Variants in PXDN observed in about 807,000 individuals in gnomAD.
The protein encoded by PXDN is peroxidasin, also known as peroxidasin homolog.
A neutral mutation model predicts 140.3 loss-of-function variants in PXDN; 77 were observed. The observed-to-expected ratio is 0.55, with a 90% CI of 0.46 to 0.66. The LOEUF (loss-of-function observed/expected upper bound fraction) is 0.66, where lower values mean the gene tolerates loss of function less well. Ranked by LOEUF, PXDN falls within the 30% of genes least tolerant of loss-of-function variation. The pLI is 0.00. For missense variants in PXDN, 1,838 were observed against 2,039.5 expected, an observed-to-expected ratio of 0.90 and a Z score of 1.90; for synonymous variants, 911 against 857.4, an observed-to-expected ratio of 1.06 and a Z score of -1.09.
intron 1 of PXDN, among the ~76,000 whole-genome samples, chr2:1,698,005 G>T (rs1684337439): frequency 6.6e-6 from 1 of 152,198 alleles, no homozygotes; most frequent in African/African-American, 2.4e-5. Flanking sequence ...ACATCAGGCA[G>T]GGCATCCATG....
rs752966923 is a variant in PXDN at position 1,649,721 on chromosome 2, T to C, written c.2105-46A>G. On this transcript the variant is annotated intron_variant, in intron 16 of 22. Transcript: ENST00000252804. This position sits in a 1 kb window ranked among gnomAD's most constrained non-coding sequence, Gnocchi z 7.1. Reference sequence around the variant, plus strand: ...AGACGCACTCAATTCCCCTGGAGGATGTGTGAGGGCCCGGTACCCCTTGGC... The same window carrying C: ...AGACGCACTCAATTCCCCTGGAGGACGTGTGAGGGCCCGGTACCCCTTGGC... 2 of 1,600,014 alleles carry C rather than the reference T, an allele frequency of 1.2e-6. No homozygotes were observed. Among genetic ancestry groups the C allele is most frequent in the Non-Finnish European group, 8.6e-7 (1 of 1,168,310 alleles).
intron 6 of PXDN, 103 bp from the exon 7 acceptor site, chr2:1,680,465 G>A: frequency 7.1e-7 from 1 of 1,403,626 alleles, no homozygotes; most frequent in East Asian, 2.4e-5. Flanking sequence ...ACATGTGCCA[G>A]GCCTGCCAGG....
chr2:1,665,533 T>C (rs1267447941), intron 10 of PXDN, among the ~76,000 whole-genome samples: 1 of 152,204 alleles, frequency 6.6e-6, no homozygotes, highest in Non-Finnish European at 1.5e-5. Context: ...TCCATTTTTA[T>C]AAAAGTAACA....
chr2:1,635,924 CG>C (rs1350771816), intron 21 of PXDN: 1 of 335,842 alleles, frequency 3.0e-6, no homozygotes, highest in Non-Finnish European at 5.7e-6. Context: ...TCTGGAAGCA[CG>C]GGGCCCCATA....
chr2:1,662,310 A>G (rs1322832532), intron 12 of PXDN, 126 bp from the exon 13 acceptor site: 3 of 814,960 alleles, frequency 3.7e-6, no homozygotes, highest in Non-Finnish European at 6.1e-6. Flanking sequence ...TCAGTTTCAG[A>G]ATGGGCCCTT....
Position 1,647,939 on chromosome 2 carries a change from C to T in PXDN, c.3608+233G>A, listed in dbSNP as rs183921452. 8.5e-5 allele frequency among the ~76,000 whole-genome samples: 13 copies of T among 152,250 alleles called. No homozygotes were observed. In the South Asian group the frequency reaches 1.2e-3, roughly 15 times the overall value. On this transcript the variant is annotated intron_variant, in intron 17 of 22. Coordinates refer to ENST00000252804, the MANE Select transcript of PXDN (RefSeq NM_012293.3). ...GCTCCTCTCTTGGAACAAAACAGGC[C>T]GGTGGAAGGGCCCTCCACCGTCCAT...
At chr2:1,702,804 AT>A (rs968963849) in intron 1 of PXDN, among the ~76,000 whole-genome samples, 11 of 151,792 alleles carry the variant, frequency 7.2e-5, no homozygotes, top group Admixed American at 3.9e-4. Context: ...AATTTTTTGT[AT>A]TTTTAGAGAT....
In PXDN at chr2:1,685,142, C is replaced by T. The variant is rs112420686; in HGVS notation, c.417-991G>A. On this transcript the variant is annotated intron_variant, in intron 4 of 22. Coordinates refer to ENST00000252804, the MANE Select transcript of PXDN (RefSeq NM_012293.3). This position sits in a 1 kb window ranked among gnomAD's most constrained non-coding sequence, Gnocchi z 5.1. ...GCGGCTGCCAGGGCCCGCCCCGTCC[C>T]GGGGCCAGCTCCCCAGGCAGCACCC... Among the ~76,000 whole-genome samples, 1 of 152,232 alleles carries T rather than the reference C, an allele frequency of 6.6e-6. No homozygotes were observed. Among genetic ancestry groups the T allele is most frequent in the East Asian group, 1.9e-4 (1 of 5,182 alleles).
chr2:1,647,760 CT>C (rs1682884356), intron 17 of PXDN, among the ~76,000 whole-genome samples: 1 of 152,248 alleles, frequency 6.6e-6, no homozygotes, highest in Non-Finnish European at 1.5e-5. Context: ...CTCTCTGCCC[CT>C]GATACAACAG....
intron 8 of PXDN, among the ~76,000 whole-genome samples, chr2:1,675,805 CAAA>C (rs879775914): frequency 0.17 from 23,806 of 143,074 alleles, 2,334 homozygotes; most frequent in African/African-American, 0.33. Flanking sequence ...GCCCGAGTAT[CAAA>C]CAATGACTCA....
intron 1 of PXDN, among the ~76,000 whole-genome samples, chr2:1,718,409 A>G (rs1328928605): frequency 6.6e-6 from 1 of 152,098 alleles, no homozygotes; most frequent in Non-Finnish European, 1.5e-5. Context: ...AACGTATGTC[A>G]CTAACCTACC....
chr2:1,663,942 C>T (rs1396130482), intron 11 of PXDN, 179 bp from the exon 12 acceptor site: 28 of 661,724 alleles, frequency 4.2e-5, no homozygotes, highest in East Asian at 8.2e-5. Context: ...GACACCTGAA[C>T]GTCCCTGCAC....
chr2:1,658,797 T>C (rs1415750248), intron 14 of PXDN, among the ~76,000 whole-genome samples: 815 of 48,850 alleles, frequency 0.017, 12 homozygotes, highest in African/African-American at 0.066. Flanking sequence ...ACCCCCCCAC[T>C]CTACTCTCCC....
intron 8 of PXDN, 77 bp downstream of exon 8, chr2:1,676,850 G>A (rs1050444913): frequency 1.5e-6 from 2 of 1,332,908 alleles, no homozygotes; most frequent in Non-Finnish European, 2.1e-6. Flanking sequence ...GCCTTGGTGG[G>A]GAGTGAGGTG....
chr2:1,742,626 G>T (rs1685571469), intron 1 of PXDN, among the ~76,000 whole-genome samples: 1 of 152,204 alleles, frequency 6.6e-6, no homozygotes, highest in South Asian at 2.1e-4. Flanking sequence ...AAAAATCTTT[G>T]AGGTGCCATT....
intron 14 of PXDN, among the ~76,000 whole-genome samples, chr2:1,656,123 CCACA>C (rs987285690): frequency 7.9e-5 from 12 of 151,536 alleles, no homozygotes; most frequent in African/African-American, 1.7e-4. Context: ...ACCCCAAACA[CCACA>C]CAAACACACA....
intron 1 of PXDN, among the ~76,000 whole-genome samples, chr2:1,734,348 CAG>C (rs1487639122): frequency 6.6e-6 from 1 of 152,166 alleles, no homozygotes; most frequent in Non-Finnish European, 1.5e-5. Flanking sequence ...CCTGAGCCTT[CAG>C]AGAGTTTTCT....
chr2:1,658,900 C>A (rs1157429208), intron 14 of PXDN, among the ~76,000 whole-genome samples: 1 of 152,068 alleles, frequency 6.6e-6, no homozygotes, highest in Non-Finnish European at 1.5e-5. Context: ...TCTGCTTCCC[C>A]CTCCGGCCCA....
Position 1,731,179 on chromosome 2 carries a change from C to CACACACACACACAA in PXDN, c.200+13076_200+13077insTTGTGTGTGTGTGT, listed in dbSNP as rs60396503. Among the ~76,000 whole-genome samples, 303 of 149,106 alleles carry CACACACACACACAA rather than the reference C, an allele frequency of 2.0e-3. 3 individuals are homozygous for CACACACACACACAA. The South Asian group carries it at 0.024, about 12-fold the overall frequency. On this transcript the variant is annotated intron_variant, in intron 1 of 22. Coordinates refer to ENST00000252804, the MANE Select transcript of PXDN (RefSeq NM_012293.3). ...ACACACACACACACACACACACACACATGAACTAGTGAGAGGAAGTTTTAA... is the reference window on the plus strand; with the variant it reads ...ACACACACACACACACACACACACACACACACACACACAAATGAACTAGTGAGAGGAAGTTTTAA...
Sources: allele counts gnomAD v4.1 joint callset (sites outside exome capture counted in the v4.1 genomes callset), GRCh38; gene constraint gnomAD v4.1.1; non-coding constraint Gnocchi (gnomAD v3.1); transcripts MANE v1.5; gene names NCBI Gene and HGNC (gene_info 2026-07-23, HGNC 2026-07-21).